PDE8A: variants seen among roughly 807,000 people sequenced by gnomAD.
PDE8A encodes the protein high affinity cAMP-specific and IBMX-insensitive 3',5'-cyclic phosphodiesterase 8A.
A neutral mutation model predicts 105.0 loss-of-function variants in PDE8A; 59 were observed. That is an observed-to-expected ratio of 0.56 (90% confidence interval 0.46 to 0.70). The LOEUF (loss-of-function observed/expected upper bound fraction) is 0.70, where lower values mean the gene tolerates loss of function less well. Ranked by LOEUF, PDE8A falls within the 30% of genes least tolerant of loss-of-function variation. PDE8A has a pLI of 0.00. For missense variants in PDE8A, 1,014 were observed against 1,045.9 expected (o/e 0.97, Z 0.42); for synonymous variants, 355 against 371.9 (o/e 0.95, Z 0.52).
At chr15:85,090,790 C>G in intron 7 of PDE8A, 1 of 549,088 alleles carries the variant, frequency 1.8e-6, no homozygotes, top group South Asian at 1.5e-5. Context: ...GGGAGTGGGC[C>G]TGCTGCCCTC....
intron 19 of PDE8A, among the ~76,000 whole-genome samples, chr15:85,124,716 T>A (rs1367842296): frequency 6.6e-6 from 1 of 152,182 alleles, no homozygotes; most frequent in Admixed American, 6.5e-5. Context: ...CCAAAGACTT[T>A]TAACAGAGGT....
At chr15:84,986,275 A>G (rs1348558398) in intron 1 of PDE8A, among the ~76,000 whole-genome samples, 1 of 152,170 alleles carries the variant, frequency 6.6e-6, no homozygotes, top group Non-Finnish European at 1.5e-5. Context: ...AGCTAAGGTG[A>G]TAGATAATAG....
At chr15:85,013,650 A>G (rs1161462473) in intron 1 of PDE8A, among the ~76,000 whole-genome samples, 1 of 152,240 alleles carries the variant, frequency 6.6e-6, no homozygotes, top group Non-Finnish European at 1.5e-5. Flanking sequence ...ATAACAAATT[A>G]CCCCAAAGTT....
intron 1 of PDE8A, among the ~76,000 whole-genome samples, chr15:85,004,082 T>C (rs1462011013): frequency 3.3e-5 from 5 of 152,230 alleles, no homozygotes; most frequent in African/African-American, 1.2e-4. Context: ...CTGGGAAATA[T>C]GATCTAGCTG....
intron 17 of PDE8A, 63 bp from the exon 18 acceptor site, chr15:85,120,734 A>T: frequency 9.9e-7 from 1 of 1,008,306 alleles, no homozygotes; most frequent in Non-Finnish European, 1.5e-6. Flanking sequence ...AAAGAAAACT[A>T]TACAGAAGGC....
At chr15:85,059,512 G>A (rs2081112262) in intron 1 of PDE8A, among the ~76,000 whole-genome samples, 2 of 152,114 alleles carry the variant, frequency 1.3e-5, no homozygotes, top group Admixed American at 6.5e-5. Context: ...GTCTGTCATT[G>A]GGTAGATAAT....
intron 1 of PDE8A, among the ~76,000 whole-genome samples, chr15:85,012,692 G>A (rs1416350490): frequency 6.6e-6 from 1 of 150,946 alleles, no homozygotes; most frequent in African/African-American, 2.4e-5. Context: ...AAAACTTAAA[G>A]TATAATAATA....
chr15:85,013,833 A>G (rs1179183861), intron 1 of PDE8A, among the ~76,000 whole-genome samples: 4 of 152,164 alleles, frequency 2.6e-5, no homozygotes, highest in Non-Finnish European at 5.9e-5. Flanking sequence ...ATTCACTTCC[A>G]AGGTGCTTCA....
At chr15:85,090,542 C>T (rs982785350) in intron 7 of PDE8A, among the ~76,000 whole-genome samples, 5 of 152,052 alleles carry the variant, frequency 3.3e-5, no homozygotes, top group Non-Finnish European at 2.9e-5. Context: ...ATCATTTATT[C>T]GAACCATATG....
chr15:85,024,281 G>A (rs993032283), intron 1 of PDE8A, among the ~76,000 whole-genome samples: 1 of 152,180 alleles, frequency 6.6e-6, no homozygotes, highest in African/African-American at 2.4e-5. Context: ...GATGAAAGCA[G>A]GGACTGTATC....
chr15:85,010,935 C>T (rs2080229228), intron 1 of PDE8A, among the ~76,000 whole-genome samples: 2 of 152,066 alleles, frequency 1.3e-5, no homozygotes, highest in Non-Finnish European at 2.9e-5. Context: ...TTCATTTGTT[C>T]TGGCTTTTCT....
At chr15:84,987,071 C>A (rs2079813614) in intron 1 of PDE8A, among the ~76,000 whole-genome samples, 1 of 152,144 alleles carries the variant, frequency 6.6e-6, no homozygotes, top group African/African-American at 2.4e-5. Flanking sequence ...AAAAATGAGA[C>A]CAAACTTTCT....
At chr15:85,059,240 A>G (rs1252962750) in intron 1 of PDE8A, among the ~76,000 whole-genome samples, 1 of 152,194 alleles carries the variant, frequency 6.6e-6, no homozygotes, top group African/African-American at 2.4e-5. Flanking sequence ...ACTTTGTGTT[A>G]CATCTATCTT....
At chr15:85,050,791 G>A (rs752652990) in intron 1 of PDE8A, among the ~76,000 whole-genome samples, 2 of 152,024 alleles carry the variant, frequency 1.3e-5, no homozygotes, top group South Asian at 2.1e-4. Flanking sequence ...TTGGCTATTC[G>A]AGATCCCTTG....
intron 1 of PDE8A, among the ~76,000 whole-genome samples, chr15:85,017,237 C>T (rs1464199887): frequency 8.1e-5 from 12 of 148,828 alleles, no homozygotes; most frequent in East Asian, 3.9e-4. Flanking sequence ...GTCCGCAGTC[C>T]GGCCTGGGCG....
intron 1 of PDE8A, among the ~76,000 whole-genome samples, chr15:85,051,632 G>C (rs899951743): frequency 3.3e-5 from 5 of 152,042 alleles, no homozygotes; most frequent in African/African-American, 1.2e-4. Context: ...CCCTCCGCCT[G>C]CCACAGGCCT....
At chr15:85,077,431 A>G (rs146031434) in intron 5 of PDE8A, among the ~76,000 whole-genome samples, 1 of 152,356 alleles carries the variant, frequency 6.6e-6, no homozygotes, top group Non-Finnish European at 1.5e-5. Flanking sequence ...AGGTTAGTAT[A>G]AGAAAGGTAG....
chr15:85,115,436 C>T lies in PDE8A; in HGVS notation c.1351-3C>T, dbSNP rs762166066. On this transcript the variant is annotated splice_polypyrimidine_tract_variant and splice_region_variant and intron_variant, in intron 14 of 21. Transcript: ENST00000394553. The stretch of plus-strand genomic sequence containing the variant: ...TTTTTCTTGTTTCCTTGATTTTTAT[C>T]AGGATGGTTTGCGAAGACTATCAGG... 3 of 1,534,846 alleles carry T rather than the reference C, an allele frequency of 2.0e-6. No homozygotes were observed. Among genetic ancestry groups the T allele is most frequent in the East Asian group, 4.7e-5 (2 of 42,330 alleles).
At chr15:85,113,624 TTAAG>T (rs1235698296) in intron 13 of PDE8A, among the ~76,000 whole-genome samples, 177 bp downstream of exon 13, 1 of 152,216 alleles carries the variant, frequency 6.6e-6, no homozygotes, top group Non-Finnish European at 1.5e-5. Flanking sequence ...TTAACTAGTC[TTAAG>T]TTAGTATTAA....
Sources: gnomAD v4.1 joint callset for allele counts (sites outside exome capture counted in the v4.1 genomes callset) on GRCh38, gnomAD v4.1.1 for gene constraint, MANE v1.5 for transcripts, NCBI Gene and HGNC (gene_info 2026-07-23, HGNC 2026-07-21) for gene names.